Variants in TENM3 observed in about 807,000 individuals in gnomAD.
The protein encoded by TENM3 is teneurin-3.
TENM3 carries 63 observed loss-of-function variants against 255.1 expected under a neutral mutation model. That is an observed-to-expected ratio of 0.25 (90% CI 0.20 to 0.30). The LOEUF is 0.30. TENM3 is among the 10% of genes least tolerant of loss of function. The probability of loss-of-function intolerance (pLI) is 1.00; values close to 1 mark genes in which losing one functional copy is unlikely to be tolerated. For missense variants in TENM3, 2,929 were observed against 3,461.1 expected, an observed-to-expected ratio of 0.85 and a Z score of 3.86; for synonymous variants, 1,306 against 1,322.3, an observed-to-expected ratio of 0.99 and a Z score of 0.27.
the TENM3 span, among the ~76,000 whole-genome samples, chr4:181,515,951 C>T: frequency 2.0e-5 from 3 of 152,292 alleles, no homozygotes; most frequent in South Asian, 6.2e-4. Flanking sequence ...AACCCAAATG[C>T]TCATCAATGG....
chr4:182,185,102 T>C (rs1033933070), intron 1 of TENM3, among the ~76,000 whole-genome samples: 2 of 152,124 alleles, frequency 1.3e-5, no homozygotes, highest in Non-Finnish European at 2.9e-5. Flanking sequence ...ATCTATTTTA[T>C]TCAGACTTTT....
chr4:182,023,711 G>A, the TENM3 span, among the ~76,000 whole-genome samples: 1 of 152,258 alleles, frequency 6.6e-6, no homozygotes, highest in Admixed American at 6.5e-5. Context: ...CTTCCTGCCA[G>A]GGGAGTATTT....
At chr4:182,304,021 C>A (rs1443957767) in intron 1 of TENM3, among the ~76,000 whole-genome samples, 2 of 151,638 alleles carry the variant, frequency 1.3e-5, no homozygotes, top group Admixed American at 1.3e-4. Flanking sequence ...ATGTGATAGC[C>A]TGATTTTGTT....
intron 1 of TENM3, among the ~76,000 whole-genome samples, chr4:182,213,222 T>C (rs1755174489): frequency 6.6e-6 from 1 of 152,230 alleles, no homozygotes; most frequent in Admixed American, 6.5e-5. Context: ...AGAATGCATT[T>C]AGTCTTGTAG....
chr4:182,299,674 G>A lies in TENM3; in HGVS notation c.-75-24272G>A, dbSNP rs563228665. 7.9e-5 allele frequency among the ~76,000 whole-genome samples: 12 copies of A among 152,194 alleles called. No individual in the cohort carries two copies. In the South Asian group the frequency reaches 2.3e-3, roughly 29 times the overall value. ...CAACCCTTTACTTCCAGAAAGTCAA[G>A]GTGTTATTATCCCCCATTGTAGAGA... is the stretch of plus-strand genomic sequence containing the variant. On this transcript the variant is annotated intron_variant, in intron 1 of 27. Transcript: ENST00000511685.
chr4:182,520,984 CT>C (rs1415265033), intron 3 of TENM3, among the ~76,000 whole-genome samples: 1 of 152,160 alleles, frequency 6.6e-6, no homozygotes, highest in Non-Finnish European at 1.5e-5. Flanking sequence ...ATATGTCAGA[CT>C]GATGTGCTCC....
At chr4:181,991,485 A>G in the TENM3 span, among the ~76,000 whole-genome samples, 29 of 152,092 alleles carry the variant, frequency 1.9e-4, no homozygotes, top group Non-Finnish European at 3.8e-4. Flanking sequence ...ATCGGGTGGT[A>G]TGGAACCTGT....
At chr4:182,086,689 G>T in the TENM3 span, among the ~76,000 whole-genome samples, 1 of 152,196 alleles carries the variant, frequency 6.6e-6, no homozygotes, top group South Asian at 2.1e-4. Context: ...AAAGCCAGAT[G>T]CAGTGGTAGG....
chr4:182,497,847 CATATATATATATATAT>C lies in TENM3; in HGVS notation c.512-103056_512-103041del, dbSNP rs56170155. Among the ~76,000 whole-genome samples, 636 of 135,604 alleles carry C rather than the reference CATATATATATATATAT, an allele frequency of 4.7e-3. 12 individuals carry two copies. Among genetic ancestry groups the C allele is most frequent in the African/African-American group, 0.018 (541 of 30,696 alleles). 89.0% of individuals were successfully genotyped at this position (135,604 alleles called of 152,430 possible). A position where few individuals can be genotyped will look rare whatever the true frequency, so the allele number is the denominator to read the frequency against. ...ATATACCCCATCTCTACTAAAAATA[CATATATATATATATAT>C]ATATATATATATATATATATCTCAA... On this transcript the variant is annotated intron_variant, in intron 3 of 27. Transcript: ENST00000511685.
intron 12 of TENM3, among the ~76,000 whole-genome samples, chr4:182,702,606 CAGGT>C (rs1757960796): frequency 2.6e-5 from 4 of 152,140 alleles, no homozygotes; most frequent in Admixed American, 2.0e-4. Flanking sequence ...GTTTAATTCT[CAGGT>C]AGAAGCTAGT....
the TENM3 span, among the ~76,000 whole-genome samples, chr4:181,650,385 A>C: frequency 6.6e-6 from 1 of 152,156 alleles, no homozygotes; most frequent in African/African-American, 2.4e-5. Flanking sequence ...ATTGTCAATT[A>C]ATACACTTGT....
chr4:182,781,594 T>G (rs1407036070), intron 24 of TENM3, among the ~76,000 whole-genome samples: 1 of 151,934 alleles, frequency 6.6e-6, no homozygotes, highest in Non-Finnish European at 1.5e-5. Flanking sequence ...GGATTCCCTC[T>G]TTTTCTGTTG....
the TENM3 span, among the ~76,000 whole-genome samples, chr4:182,062,127 A>G: frequency 6.6e-6 from 1 of 152,222 alleles, no homozygotes; most frequent in African/African-American, 2.4e-5. Context: ...AGAGTCTAGC[A>G]TAGATTAAGA....
intron 3 of TENM3, among the ~76,000 whole-genome samples, chr4:182,450,037 CAA>C (rs1218282021): frequency 6.6e-6 from 1 of 152,218 alleles, no homozygotes. Flanking sequence ...GCCTGTGTCA[CAA>C]AGTCATTCTG....
chr4:181,692,948 A>G, the TENM3 span, among the ~76,000 whole-genome samples: 2 of 152,184 alleles, frequency 1.3e-5, no homozygotes, highest in Non-Finnish European at 2.9e-5. Context: ...CGAAGAGTTC[A>G]GTGCTAGAAC....
intron 1 of TENM3, among the ~76,000 whole-genome samples, chr4:182,259,078 C>T (rs1423846758): frequency 2.0e-5 from 3 of 152,022 alleles, no homozygotes; most frequent in South Asian, 2.1e-4. Flanking sequence ...TTCAGTGGCA[C>T]CCCAAGCTAA....
chr4:182,680,476 T>C, intron 9 of TENM3, 67 bp from the exon 10 acceptor site: 1 of 1,562,482 alleles, frequency 6.4e-7, no homozygotes, highest in Non-Finnish European at 8.8e-7. Context: ...TCCAGCGATG[T>C]GTCTTTTCTT....
the TENM3 span, among the ~76,000 whole-genome samples, chr4:181,929,871 A>G: frequency 6.6e-6 from 1 of 152,190 alleles, no homozygotes; most frequent in Non-Finnish European, 1.5e-5. Flanking sequence ...GGATTAAGAA[A>G]CCCATTCAAA....
At chr4:182,411,856 T>A (rs1243979794) in intron 3 of TENM3, among the ~76,000 whole-genome samples, 2 of 152,204 alleles carry the variant, frequency 1.3e-5, no homozygotes, top group African/African-American at 4.8e-5. Flanking sequence ...ACCAGTCACA[T>A]AGATAAAATA....
Sources: gnomAD v4.1 joint callset for allele counts (sites outside exome capture counted in the v4.1 genomes callset) on GRCh38, gnomAD v4.1.1 for gene constraint, MANE v1.5 for transcripts, NCBI Gene and HGNC (gene_info 2026-07-23, HGNC 2026-07-21) for gene names.